ATM: variants seen among roughly 807,000 people sequenced by gnomAD.
ATM encodes serine-protein kinase ATM.
In ATM, 308 loss-of-function variants were observed where a neutral mutation model predicts 387.0. The ratio of observed to expected loss-of-function variants is 0.80; its 90% CI spans 0.73 to 0.87. The LOEUF is 0.87. ATM is among the 40% of genes least tolerant of loss of function. ATM has a pLI of 0.00. For missense variants in ATM, 3,312 were observed against 3,560.9 expected (o/e 0.93, Z 1.78); for synonymous variants, 1,156 against 1,187.3 (o/e 0.97, Z 0.54).
chr11:108,269,642 G>A (rs1246867479), intron 18 of ATM, among the ~76,000 whole-genome samples: 1 of 152,188 alleles, frequency 6.6e-6, no homozygotes, highest in Admixed American at 6.5e-5. Context: ...GTATGTGGAG[G>A]TAGAGCCTCT....
At chr11:108,297,694 T>C (rs1372936123) in intron 33 of ATM, among the ~76,000 whole-genome samples, 1 of 152,204 alleles carries the variant, frequency 6.6e-6, no homozygotes. Flanking sequence ...ATCTTTATTA[T>C]ATGAGTGGTT....
chr11:108,257,329 C>T, intron 14 of ATM, 152 bp from the exon 15 acceptor site: 1 of 921,668 alleles, frequency 1.1e-6, no homozygotes, highest in Non-Finnish European at 1.6e-6. Context: ...TACTGTATGA[C>T]TACGTGGAAC....
chr11:108,340,818 A>C (rs1247103374), intron 56 of ATM, among the ~76,000 whole-genome samples: 1 of 152,164 alleles, frequency 6.6e-6, no homozygotes, highest in Non-Finnish European at 1.5e-5. Flanking sequence ...ACCTCCTCCC[A>C]TGTACTGTAA....
chr11:108,230,307 T>G (rs2078946672), intron 4 of ATM: 1 of 152,120 alleles, frequency 6.6e-6, no homozygotes, highest in South Asian at 2.1e-4. Flanking sequence ...TTCCAGCTAC[T>G]TGGGAGGCTG....
rs750427647 is a variant in ATM, at chr11:108,289,594, T to G, written c.4237-8T>G. 1 of 1,598,374 alleles carries G rather than the reference T, an allele frequency of 6.3e-7. No homozygotes were observed. Among genetic ancestry groups the G allele is most frequent in the South Asian group, 1.1e-5 (1 of 88,786 alleles). ...AACAAGTTTTTACTAAATCTGTTTA[T>G]TTTCTAGGATTCCTATCAGAAAATT... On this transcript the variant is annotated splice_region_variant and splice_polypyrimidine_tract_variant and intron_variant, in intron 28 of 62. Transcript: ENST00000675843.
chr11:108,232,863 T>C (rs533293286), intron 4 of ATM, among the ~76,000 whole-genome samples: 1 of 151,530 alleles, frequency 6.6e-6, no homozygotes, highest in South Asian at 2.1e-4. Flanking sequence ...GTTCATTTCT[T>C]TTCTTTTTTT....
In ATM at chr11:108,267,303, A is replaced by AGT. The variant is rs2135508789; in HGVS notation, c.2601_2602dup (p.Asp868ValfsTer13). On this transcript the variant is annotated frameshift_variant, in exon 17 of 63. Coordinates refer to ENST00000675843, the MANE Select transcript of ATM (RefSeq NM_000051.4). LOFTEE classifies it high-confidence loss of function. Reference sequence around the variant, plus strand: ...TAACGATTACCCTGATAGTAGTGTTAGTGATGCAAACGAACCTGGAGAGAG... The same window carrying AGT: ...TAACGATTACCCTGATAGTAGTGTTAGTGTGATGCAAACGAACCTGGAGAGAG... 6.2e-7 allele frequency: 1 copy of AGT among 1,614,132 alleles called. No homozygotes were observed. The highest frequency in any genetic ancestry group is 8.5e-7 in the Non-Finnish European group (1 of 1,180,002).
intron 37 of ATM, among the ~76,000 whole-genome samples, chr11:108,307,142 C>CTT (rs200346063): frequency 7.0e-6 from 1 of 142,438 alleles, no homozygotes; most frequent in Non-Finnish European, 1.5e-5. Flanking sequence ...TTTCTTTTTT[C>CTT]TTTTTTTTTT....
At position 108,365,640 on chromosome 11, in the gene ATM, G is replaced by A; in HGVS notation, c.*132G>A. The A allele has an allele frequency of 9.0e-7, 1 of 1,113,804 alleles. No individual in the cohort carries two copies. The highest frequency in any genetic ancestry group is 1.3e-6 in the Non-Finnish European group (1 of 785,950). 69.0% of individuals were successfully genotyped at this position (1,113,804 alleles called of 1,614,324 possible). On this transcript the variant is annotated 3_prime_UTR_variant, in exon 63 of 63. Coordinates refer to ENST00000675843, the MANE Select transcript of ATM (RefSeq NM_000051.4). ...CTATTGTGGGTTTTTTTGAATGTTG[G>A]TTTTAATACTTGATTTAATCACCAC...
rs777186156 is a variant in ATM, at chr11:108,288,973, T to C, written c.4110-4T>C. On this transcript the variant is annotated splice_polypyrimidine_tract_variant and splice_region_variant and intron_variant, in intron 27 of 62. Transcript: ENST00000675843. ...GACTGTATTTTTTCCCTTAACTCTG[T>C]TAGGGATTTGGATCCTGCTCCTAAT... 6.2e-7 allele frequency: 1 copy of C among 1,613,604 alleles called. No individual in the cohort carries two copies. The highest frequency in any genetic ancestry group is 8.5e-7 in the Non-Finnish European group (1 of 1,179,706).
intron 6 of ATM, 56 bp from the exon 7 acceptor site, chr11:108,244,732 T>C: frequency 7.6e-7 from 1 of 1,314,092 alleles, no homozygotes; most frequent in Non-Finnish European, 1.1e-6. Context: ...AACTGTTCAG[T>C]TTGTACAGTT....
rs200389039 is a variant in ATM at position 108,335,839 on chromosome 11, C to T, written c.8152-6C>T. 9 of 1,608,010 alleles carry T rather than the reference C, an allele frequency of 5.6e-6. No individual in the cohort carries two copies. The highest frequency in any genetic ancestry group is 7.7e-6 in the Non-Finnish European group (9 of 1,174,864). On this transcript the variant is annotated splice_region_variant and splice_polypyrimidine_tract_variant and intron_variant, in intron 55 of 62. Transcript: ENST00000675843. ...ACTTGTTTATTCATGCTTAATTATT[C>T]TGAAGGGCCGTGATGACCTGAGACA...
chr11:108,270,543 A>C (rs1042930352), intron 18 of ATM, among the ~76,000 whole-genome samples: 1 of 152,082 alleles, frequency 6.6e-6, no homozygotes, highest in African/African-American at 2.4e-5. Flanking sequence ...ACATAAGGCA[A>C]GTTTTTTACC....
In ATM at chr11:108,343,267, G is replaced by A. The variant is rs1064794239; in HGVS notation, c.8314G>A (p.Gly2772Arg). The A allele has an allele frequency of 5.6e-6, 9 of 1,613,882 alleles. No homozygotes were observed. Among genetic ancestry groups the A allele is most frequent in the Non-Finnish European group, 7.6e-6 (9 of 1,179,918 alleles). ...AAGTGGTGTTCTTGAATGGTGCACA[G>A]GAACTGTCCCCATTGGTGAATTTCT... ...QRSGVLEWCT[G>R]TVPIGEFLVN... The change falls in exon 57 of 63, where the codon GGA becomes AGA. Residue 2772 changes from glycine to arginine, a missense_variant. Physicochemically the swap from Gly to Arg is moderately radical, Grantham distance 125. Coordinates refer to ENST00000675843, the MANE Select transcript of ATM (RefSeq NM_000051.4).
intron 15 of ATM, among the ~76,000 whole-genome samples, chr11:108,258,364 C>T (rs4987961): frequency 0.015 from 2,242 of 152,236 alleles, 68 homozygotes; most frequent in African/African-American, 0.05. Flanking sequence ...ATATAGATGA[C>T]TCTTTTATTC....
intron 23 of ATM, among the ~76,000 whole-genome samples, chr11:108,280,385 C>T (rs1343880009): frequency 2.0e-5 from 3 of 152,018 alleles, no homozygotes; most frequent in African/African-American, 7.2e-5. Flanking sequence ...ATTACAGTTA[C>T]CAAAAAGGCT....
At chr11:108,227,384 T>TATAGATTTTAAGAAA (rs1200339089) in intron 1 of ATM, 25 of 480,570 alleles carry the variant, frequency 5.2e-5, no homozygotes, top group Non-Finnish European at 8.1e-5. Flanking sequence ...GCATTACTTG[T>TATAGATTTTAAGAAA]ATAGATTTTA....
At chr11:108,362,512 C>T (rs1364049922) in intron 61 of ATM, among the ~76,000 whole-genome samples, 53 of 148,952 alleles carry the variant, frequency 3.6e-4, no homozygotes, top group East Asian at 3.0e-3. Flanking sequence ...ATGTTTATTG[C>T]GGCATTATTC....
intron 9 of ATM, 105 bp from the exon 10 acceptor site, chr11:108,250,596 G>A (rs1323964926): frequency 1.6e-6 from 2 of 1,227,906 alleles, no homozygotes; most frequent in African/African-American, 3.0e-5. Flanking sequence ...AAATGATGGT[G>A]ATTCTCTAAT....
Sources: gnomAD v4.1 joint callset for allele counts (sites outside exome capture counted in the v4.1 genomes callset) on GRCh38, gnomAD v4.1.1 for gene constraint, MANE v1.5 for transcripts, NCBI Gene and HGNC (gene_info 2026-07-23, HGNC 2026-07-21) for gene names.